Variants in CRIM1 observed in about 807,000 individuals in gnomAD.
The protein encoded by CRIM1 is cysteine rich transmembrane BMP regulator 1.
CRIM1 carries 32 observed loss-of-function variants against 116.4 expected under a neutral mutation model. That is an observed-to-expected ratio of 0.27 (90% CI 0.21 to 0.37). CRIM1 has a LOEUF of 0.37. Ranked by LOEUF, CRIM1 falls within the 10% of genes least tolerant of loss-of-function variation. CRIM1 has a pLI of 1.00. For missense variants in CRIM1, 1,331 were observed against 1,354.8 expected, an observed-to-expected ratio of 0.98 and a Z score of 0.28; for synonymous variants, 590 against 509.2, an observed-to-expected ratio of 1.16 and a Z score of -2.13.
At chr2:36,499,934 C>A (rs1680869871) in intron 8 of CRIM1, among the ~76,000 whole-genome samples, 2 of 152,186 alleles carry the variant, frequency 1.3e-5, no homozygotes, top group African/African-American at 2.4e-5. Context: ...TCTCCTTGAC[C>A]ATTCTTCAGG....
chr2:36,454,097 A>G (rs1676940512), intron 4 of CRIM1, among the ~76,000 whole-genome samples: 1 of 152,132 alleles, frequency 6.6e-6, no homozygotes, highest in Admixed American at 6.5e-5. Context: ...GCTTCTTAGT[A>G]TGGTAGGCAA....
chr2:36,435,870 A>G (rs554724308), intron 2 of CRIM1, among the ~76,000 whole-genome samples: 1 of 151,494 alleles, frequency 6.6e-6, no homozygotes, highest in African/African-American at 2.4e-5. Context: ...ATTTTTCCAT[A>G]GTTACTTCTG....
intron 7 of CRIM1, among the ~76,000 whole-genome samples, chr2:36,493,843 G>T (rs900461780): frequency 2.0e-5 from 3 of 152,124 alleles, no homozygotes; most frequent in African/African-American, 7.2e-5. Context: ...TATTGTTTCA[G>T]AAGTGAATAT....
chr2:36,500,038 C>G (rs978599846), intron 8 of CRIM1, among the ~76,000 whole-genome samples: 3 of 152,004 alleles, frequency 2.0e-5, no homozygotes, highest in African/African-American at 7.2e-5. Flanking sequence ...TCAAGATACT[C>G]CAGAATGGGC....
At chr2:36,362,740 C>G (rs944326365) in intron 1 of CRIM1, among the ~76,000 whole-genome samples, 3 of 152,114 alleles carry the variant, frequency 2.0e-5, no homozygotes, top group Non-Finnish European at 4.4e-5. Flanking sequence ...TAAACTCTTA[C>G]GTGTTTTATC....
chr2:36,413,718 T>C (rs992352449), intron 2 of CRIM1, among the ~76,000 whole-genome samples: 1 of 152,238 alleles, frequency 6.6e-6, no homozygotes, highest in African/African-American at 2.4e-5. Flanking sequence ...GTTCCAATTC[T>C]TTCATCTTTG....
intron 4 of CRIM1, among the ~76,000 whole-genome samples, chr2:36,453,824 G>T (rs1676922771): frequency 1.3e-5 from 2 of 152,172 alleles, no homozygotes; most frequent in Non-Finnish European, 2.9e-5. Flanking sequence ...GGTCAGATTT[G>T]ACTTTTGAAC....
intron 4 of CRIM1, among the ~76,000 whole-genome samples, chr2:36,450,217 G>T (rs1011548364): frequency 2.0e-5 from 3 of 152,184 alleles, no homozygotes; most frequent in African/African-American, 7.2e-5. Flanking sequence ...AGGGCCATGT[G>T]TGTATGGTTC....
At chr2:36,452,542 A>G (rs1025598253) in intron 4 of CRIM1, among the ~76,000 whole-genome samples, 2 of 152,218 alleles carry the variant, frequency 1.3e-5, no homozygotes, top group Non-Finnish European at 2.9e-5. Flanking sequence ...TATTGGACCT[A>G]TCCCCAGATT....
Position 36,459,678 on chromosome 2 carries a change from G to A in CRIM1, c.870-4856G>A, listed in dbSNP as rs552179734. Among the ~76,000 whole-genome samples the A allele has an allele frequency of 6.6e-5, 10 of 152,248 alleles. No homozygotes were observed. The South Asian group carries it at 2.1e-3, about 32-fold the overall frequency. ...ACAGGGTAGATGGTCTTAAGGTTGT[G>A]GGGAATTCACCAGGGGCAAGGGAGA... On this transcript the variant is annotated intron_variant, in intron 4 of 16. Coordinates refer to ENST00000280527, the MANE Select transcript of CRIM1 (RefSeq NM_016441.3).
chr2:36,431,206 G>A (rs1168774173), intron 2 of CRIM1, among the ~76,000 whole-genome samples: 1 of 152,000 alleles, frequency 6.6e-6, no homozygotes, highest in Non-Finnish European at 1.5e-5. Context: ...AAACTGAGGA[G>A]AAAACATAAG....
At chr2:36,440,420 A>G (rs996741482) in intron 2 of CRIM1, among the ~76,000 whole-genome samples, 7 of 152,056 alleles carry the variant, frequency 4.6e-5, no homozygotes, top group Admixed American at 2.6e-4. Flanking sequence ...CTTTTAGTCT[A>G]TTTCCATCTT....
At chr2:36,456,021 G>A (rs941748454) in intron 4 of CRIM1, among the ~76,000 whole-genome samples, 1 of 152,182 alleles carries the variant, frequency 6.6e-6, no homozygotes, top group African/African-American at 2.4e-5. Context: ...ATCTGTTTCA[G>A]CACTAGCTCA....
chr2:36,500,841 C>T (rs912640988), intron 8 of CRIM1, among the ~76,000 whole-genome samples: 3 of 152,194 alleles, frequency 2.0e-5, no homozygotes, highest in African/African-American at 7.2e-5. Flanking sequence ...TTGAAAGACA[C>T]TTCGCCCGTA....
intron 1 of CRIM1, among the ~76,000 whole-genome samples, chr2:36,371,385 G>A (rs1321445972): frequency 6.6e-6 from 1 of 152,120 alleles, no homozygotes; most frequent in Non-Finnish European, 1.5e-5. Flanking sequence ...CCAGGATTGT[G>A]TGTTATTCTA....
intron 15 of CRIM1, among the ~76,000 whole-genome samples, chr2:36,546,422 A>C (rs1317228979): frequency 6.6e-6 from 1 of 152,210 alleles, no homozygotes; most frequent in African/African-American, 2.4e-5. Flanking sequence ...CAAGATTTTC[A>C]ACAAGTTTAT....
At chr2:36,536,525 C>A (rs986573151) in intron 13 of CRIM1, among the ~76,000 whole-genome samples, 1 of 152,158 alleles carries the variant, frequency 6.6e-6, no homozygotes, top group Non-Finnish European at 1.5e-5. Flanking sequence ...GCTGCTGGAT[C>A]TGCTGGTCCT....
intron 8 of CRIM1, among the ~76,000 whole-genome samples, chr2:36,506,554 A>C (rs566404677): frequency 6.6e-6 from 1 of 152,126 alleles, no homozygotes; most frequent in African/African-American, 2.4e-5. Context: ...TGAGCATAGG[A>C]GCAAACATTC....
intron 1 of CRIM1, among the ~76,000 whole-genome samples, chr2:36,364,538 T>G (rs1475489368): frequency 6.6e-6 from 1 of 152,132 alleles, no homozygotes; most frequent in Admixed American, 6.5e-5. Context: ...AGGAAAAGTT[T>G]AGTGGAGGAT....
Sources: allele counts gnomAD v4.1 joint callset (sites outside exome capture counted in the v4.1 genomes callset), GRCh38; gene constraint gnomAD v4.1.1; transcripts MANE v1.5; gene names NCBI Gene and HGNC (gene_info 2026-07-23, HGNC 2026-07-21).